ANGPT1: variants seen among roughly 807,000 people sequenced by gnomAD.
ANGPT1 encodes the protein angiopoietin 1.
Under a neutral mutation model 62.2 loss-of-function variants are expected in ANGPT1, and 17 were observed. The observed-to-expected ratio is 0.27, with a 90% CI of 0.19 to 0.41. The LOEUF (loss-of-function observed/expected upper bound fraction) is 0.41, where lower values mean the gene tolerates loss of function less well. Among genes scored for constraint, ANGPT1 ranks in the 10% least tolerant of loss-of-function variants. The pLI is 1.00. For synonymous variants in ANGPT1, 199 were observed against 198.9 expected, an observed-to-expected ratio of 1.00 and a Z score of 0.00; for missense variants, 478 against 594.9, an observed-to-expected ratio of 0.80 and a Z score of 2.04.
At chr8:107,340,882 A>G (rs1815682963) in intron 2 of ANGPT1, among the ~76,000 whole-genome samples, 1 of 152,172 alleles carries the variant, frequency 6.6e-6, no homozygotes, top group African/African-American at 2.4e-5. Context: ...TTTCCAAAGA[A>G]AAATTTGTAA....
chr8:107,445,847 T>C (rs1811602012), intron 1 of ANGPT1, among the ~76,000 whole-genome samples: 1 of 152,296 alleles, frequency 6.6e-6, no homozygotes, highest in South Asian at 2.1e-4. Context: ...GTTTCTAGTA[T>C]GCTACACGTG....
chr8:107,308,824 C>A (rs1366081891), intron 4 of ANGPT1, among the ~76,000 whole-genome samples: 1 of 152,114 alleles, frequency 6.6e-6, no homozygotes, highest in Non-Finnish European at 1.5e-5. Context: ...TGTCTTTCAC[C>A]AGCCAACATT....
In ANGPT1 at chr8:107,297,752, C is replaced by CAT. The variant is rs34606952; in HGVS notation, c.937-3717_937-3716dup. On this transcript the variant is annotated intron_variant, in intron 5 of 8. Transcript: ENST00000517746. ...CACCTTTCTATATGTATTATGTATG[C>CAT]ATATATATATATATATACACACACA... Among the ~76,000 whole-genome samples the CAT allele has an allele frequency of 6.8e-3, 990 of 146,260 alleles. 8 individuals are homozygous for CAT. The highest frequency in any genetic ancestry group is 0.011 in the African/African-American group (450 of 40,060).
chr8:107,274,166 C>T (rs1229439879), intron 7 of ANGPT1, among the ~76,000 whole-genome samples: 1 of 152,106 alleles, frequency 6.6e-6, no homozygotes, highest in Non-Finnish European at 1.5e-5. Flanking sequence ...AGCTCTAGGT[C>T]TTAACCCAGG....
At position 107,272,519 on chromosome 8, in the gene ANGPT1, C is replaced by A. The variant is rs143870082; in HGVS notation, c.1206-8168G>T. ...TCAACCTTCCAGGTCTTCCCAAGCT[C>A]TTGACATTAGGAACAGTGTTAGCAG... On this transcript the variant is annotated intron_variant, in intron 7 of 8. Transcript: ENST00000517746. Among the ~76,000 whole-genome samples the A allele has an allele frequency of 6.4e-3, 972 of 152,030 alleles. 11 individuals are homozygous for A. The highest frequency in any genetic ancestry group is 0.022 in the African/African-American group (921 of 41,486).
intron 1 of ANGPT1, among the ~76,000 whole-genome samples, chr8:107,484,551 G>T (rs1435027314): frequency 6.6e-6 from 1 of 152,026 alleles, no homozygotes; most frequent in East Asian, 1.9e-4. Flanking sequence ...ACAGGCATGT[G>T]CCAGCCACCA....
At chr8:107,453,634 C>T (rs1811840491) in intron 1 of ANGPT1, among the ~76,000 whole-genome samples, 2 of 152,028 alleles carry the variant, frequency 1.3e-5, no homozygotes, top group Non-Finnish European at 2.9e-5. Context: ...TGGGTGGGGA[C>T]ACAGCCAAAC....
chr8:107,421,199 A>G (rs1810886883), intron 1 of ANGPT1, among the ~76,000 whole-genome samples: 1 of 152,150 alleles, frequency 6.6e-6, no homozygotes, highest in South Asian at 2.1e-4. Flanking sequence ...AAATTCATCA[A>G]AAGGTAAAAT....
At chr8:107,495,682 G>A (rs865783916) in intron 1 of ANGPT1, among the ~76,000 whole-genome samples, 8 of 152,104 alleles carry the variant, frequency 5.3e-5, no homozygotes, top group South Asian at 2.1e-4. Flanking sequence ...AAAACTATAC[G>A]GATGGTGTAC....
intron 1 of ANGPT1, among the ~76,000 whole-genome samples, chr8:107,372,613 G>A (rs1015619650): frequency 2.5e-4 from 38 of 151,924 alleles, no homozygotes; most frequent in South Asian, 2.1e-4. Flanking sequence ...AAATGATCAC[G>A]GCTGCTGTTT....
chr8:107,380,229 C>T (rs1816608139), intron 1 of ANGPT1, among the ~76,000 whole-genome samples: 1 of 151,992 alleles, frequency 6.6e-6, no homozygotes, highest in Non-Finnish European at 1.5e-5. Context: ...TGTGCCATTA[C>T]CTGTGTGGTA....
At position 107,467,931 on chromosome 8, in the gene ANGPT1, A is replaced by G. The variant is rs188494288; in HGVS notation, c.297+29331T>C. Among the ~76,000 whole-genome samples, 227 of 152,212 alleles carry G rather than the reference A, an allele frequency of 1.5e-3. 1 individual carries two copies. Among genetic ancestry groups the G allele is most frequent in the African/African-American group, 5.3e-3 (221 of 41,556 alleles). On this transcript the variant is annotated intron_variant, in intron 1 of 8. Coordinates refer to ENST00000517746, the MANE Select transcript of ANGPT1 (RefSeq NM_001146.5). ...AAGCCTAGATGTTAGACAGCATTAAATCCCTTTTATCAGATGAGAAATCTG... is the reference window on the plus strand; with the variant it reads ...AAGCCTAGATGTTAGACAGCATTAAGTCCCTTTTATCAGATGAGAAATCTG...
intron 1 of ANGPT1, among the ~76,000 whole-genome samples, chr8:107,370,412 C>T (rs1816381176): frequency 9.4e-6 from 1 of 106,824 alleles, no homozygotes; most frequent in Admixed American, 9.3e-5. Flanking sequence ...AAGAAAGAGT[C>T]AGGGTCAGTG....
intron 1 of ANGPT1, among the ~76,000 whole-genome samples, chr8:107,365,069 C>T (rs1375738534): frequency 6.6e-6 from 1 of 151,852 alleles, no homozygotes; most frequent in African/African-American, 2.4e-5. Flanking sequence ...TAAAAATATT[C>T]ATCACCTTAT....
chr8:107,409,719 CTT>C (rs5893860), intron 1 of ANGPT1, among the ~76,000 whole-genome samples: 1 of 149,262 alleles, frequency 6.7e-6, no homozygotes, highest in African/African-American at 2.5e-5. Context: ...TGAAAAATGC[CTT>C]TTTTTTTTGA....
intron 6 of ANGPT1, among the ~76,000 whole-genome samples, chr8:107,287,605 A>C (rs1189446534): frequency 6.6e-6 from 1 of 152,164 alleles, no homozygotes; most frequent in Non-Finnish European, 1.5e-5. Context: ...AAAGATGAAA[A>C]ATACGTGAAA....
At chr8:107,266,981 T>TA (rs1197298812) in intron 7 of ANGPT1, among the ~76,000 whole-genome samples, 1 of 152,096 alleles carries the variant, frequency 6.6e-6, no homozygotes, top group Non-Finnish European at 1.5e-5. Context: ...TCACTGAGTA[T>TA]AACTACTCTT....
intron 7 of ANGPT1, among the ~76,000 whole-genome samples, chr8:107,266,938 A>C (rs1813627766): frequency 6.6e-6 from 1 of 152,148 alleles, no homozygotes; most frequent in Non-Finnish European, 1.5e-5. Context: ...GAAGAAAAGC[A>C]AAAAGAAGAA....
chr8:107,467,859 C>T (rs1226207054), intron 1 of ANGPT1, among the ~76,000 whole-genome samples: 1 of 152,142 alleles, frequency 6.6e-6, no homozygotes, highest in Non-Finnish European at 1.5e-5. Flanking sequence ...TTTCTATGTG[C>T]TCAAGTGTGC....
Sources: gnomAD v4.1 joint callset for allele counts (sites outside exome capture counted in the v4.1 genomes callset) on GRCh38, gnomAD v4.1.1 for gene constraint, MANE v1.5 for transcripts, NCBI Gene and HGNC (gene_info 2026-07-23, HGNC 2026-07-21) for gene names.